MYT1L: variants seen among roughly 807,000 people sequenced by gnomAD.
MYT1L encodes myelin transcription factor 1-like protein.
Under a neutral mutation model 126.7 loss-of-function variants are expected in MYT1L, and 12 were observed. That is an observed-to-expected ratio of 0.09 (90% CI 0.06 to 0.15). The LOEUF (loss-of-function observed/expected upper bound fraction) is 0.15. Among genes scored for constraint, MYT1L ranks in the 10% least tolerant of loss-of-function variants. The probability of loss-of-function intolerance (pLI) is 1.00; values close to 1 mark genes in which losing one functional copy is unlikely to be tolerated. For synonymous variants in MYT1L, 541 were observed against 604.2 expected, an observed-to-expected ratio of 0.90 and a Z score of 1.53; for missense variants, 979 against 1,585.2, an observed-to-expected ratio of 0.62 and a Z score of 6.49.
At chr2:1,810,529 C>T (rs961531656) in intron 21 of MYT1L, among the ~76,000 whole-genome samples, 1 of 152,144 alleles carries the variant, frequency 6.6e-6, no homozygotes. Flanking sequence ...GTTAGATGGA[C>T]CGTGTCCGTA....
chr2:1,812,207 C>G (rs996836601), intron 21 of MYT1L, among the ~76,000 whole-genome samples: 2 of 152,148 alleles, frequency 1.3e-5, no homozygotes, highest in Non-Finnish European at 2.9e-5. Context: ...CACCGCACCC[C>G]CTGATGCTCT....
intron 18 of MYT1L, among the ~76,000 whole-genome samples, chr2:1,863,752 T>C (rs2045057893): frequency 7.1e-6 from 1 of 139,962 alleles, no homozygotes; most frequent in Non-Finnish European, 1.6e-5. Context: ...GGGGGGGGCA[T>C]TTGGGGATAT....
chr2:2,117,999 C>CAT (rs1005595567), intron 3 of MYT1L, among the ~76,000 whole-genome samples: 3 of 151,610 alleles, frequency 2.0e-5, no homozygotes, highest in African/African-American at 4.8e-5. Context: ...CAAAAACACA[C>CAT]ATATACTCAC....
chr2:2,083,044 C>G (rs1361571860), intron 3 of MYT1L, among the ~76,000 whole-genome samples: 1 of 152,142 alleles, frequency 6.6e-6, no homozygotes, highest in East Asian at 1.9e-4. Context: ...ACCATGAGAA[C>G]CCAGAGACCG....
intron 8 of MYT1L, among the ~76,000 whole-genome samples, chr2:1,953,976 C>G (rs1480640393): frequency 1.3e-5 from 2 of 152,144 alleles, no homozygotes; most frequent in African/African-American, 2.4e-5. Flanking sequence ...AGTGAAAAAC[C>G]TGAGAAGGTT....
intron 3 of MYT1L, among the ~76,000 whole-genome samples, chr2:2,168,237 G>A (rs1459094696): frequency 6.6e-6 from 1 of 152,160 alleles, no homozygotes; most frequent in Non-Finnish European, 1.5e-5. Flanking sequence ...AGAGGGATGT[G>A]CAGTAAAAAA....
rs746922049 is a variant in MYT1L, at chr2:1,922,443, C to T, written c.1326G>A (p.Thr442=). The part of the protein sequence containing the change: ...TLLEKAIALE[T]ERAKAMREKM... The stretch of plus-strand genomic sequence containing the variant: ...TCTCCCTCATGGCCTTTGCTCTTTC[C>T]GTTTCCAAAGCGATGGCTTTCTCCA... The change falls in exon 10 of 25, where the codon ACG becomes ACA. Residue 442 remains threonine (T), a synonymous_variant. Coordinates refer to ENST00000647738, the MANE Select transcript of MYT1L (RefSeq NM_001303052.2). The surrounding 1 kb of genome is among the most constrained non-coding windows in gnomAD (Gnocchi z 7.4). 24 of 1,613,836 alleles carry T rather than the reference C, an allele frequency of 1.5e-5. No homozygotes were observed. Among genetic ancestry groups the T allele is most frequent in the East Asian group, 4.5e-5 (2 of 44,882 alleles).
At chr2:2,277,774 C>A (rs982092578) in intron 2 of MYT1L, among the ~76,000 whole-genome samples, 3 of 152,082 alleles carry the variant, frequency 2.0e-5, no homozygotes, top group Non-Finnish European at 4.4e-5. Context: ...GGGTTGTATA[C>A]CCTTTGCAAC....
chr2:2,043,790 T>C (rs560535893), intron 4 of MYT1L, among the ~76,000 whole-genome samples: 3 of 152,342 alleles, frequency 2.0e-5, no homozygotes, highest in African/African-American at 2.4e-5. Context: ...AGTGAATGAA[T>C]GCATGAATAT....
intron 8 of MYT1L, among the ~76,000 whole-genome samples, chr2:1,974,071 T>C (rs1360533960): frequency 1.3e-5 from 2 of 152,222 alleles, no homozygotes; most frequent in Non-Finnish European, 2.9e-5. Flanking sequence ...CTGTCTTCCA[T>C]GTTTTAAATG....
At chr2:2,063,847 A>C (rs1428165160) in intron 3 of MYT1L, among the ~76,000 whole-genome samples, 1 of 151,586 alleles carries the variant, frequency 6.6e-6, no homozygotes, top group Non-Finnish European at 1.5e-5. Context: ...TCTGTCTCAA[A>C]AAAAACAAAA....
rs879278378 is a variant in MYT1L, at chr2:1,935,322, G to GA, written c.505+7659dup. Among the ~76,000 whole-genome samples the GA allele has an allele frequency of 2.0e-4, 30 of 151,892 alleles. 1 individual carries two copies. The highest frequency in any genetic ancestry group is 1.2e-4 in the African/African-American group (5 of 41,434). ...AACCCAGTGCCCTTCTGGGCACAGA[G>GA]AAAAAAAACACACCGTGTTTTGAAA... On this transcript the variant is annotated intron_variant, in intron 9 of 24. Transcript: ENST00000647738.
At chr2:2,050,015 C>T (rs748247795) in intron 4 of MYT1L, among the ~76,000 whole-genome samples, 1 of 151,770 alleles carries the variant, frequency 6.6e-6, no homozygotes, top group East Asian at 1.9e-4. Flanking sequence ...GGTTTTTTGA[C>T]GATGAAATGA....
intron 12 of MYT1L, among the ~76,000 whole-genome samples, 187 bp downstream of exon 12, chr2:1,911,833 C>T (rs2052033595): frequency 6.6e-6 from 1 of 152,192 alleles, no homozygotes; most frequent in African/African-American, 2.4e-5. Flanking sequence ...GGTGGGGCAA[C>T]TAAAACCATC....
At position 1,951,622 on chromosome 2, in the gene MYT1L, C is replaced by T. The variant is rs2057758193; in HGVS notation, c.153-8288G>A. Among the ~76,000 whole-genome samples, 3 of 152,220 alleles carry T rather than the reference C, an allele frequency of 2.0e-5. No homozygotes were observed. The South Asian group carries it at 6.2e-4, about 31-fold the overall frequency. On this transcript the variant is annotated intron_variant, in intron 8 of 24. Coordinates refer to ENST00000647738, the MANE Select transcript of MYT1L (RefSeq NM_001303052.2). ...GCACCTCACCAAGTCGCTCCAGGATCTGCCCCTGTTTAACCGCGGGAGATG... is the reference window on the plus strand; with the variant it reads ...GCACCTCACCAAGTCGCTCCAGGATTTGCCCCTGTTTAACCGCGGGAGATG...
At chr2:1,894,679 G>A (rs919277025) in intron 14 of MYT1L, among the ~76,000 whole-genome samples, 2 of 152,000 alleles carry the variant, frequency 1.3e-5, no homozygotes, top group African/African-American at 2.4e-5. Context: ...AAAATTAAAG[G>A]AATAACACAA....
chr2:2,052,369 T>G (rs1362331057), intron 4 of MYT1L, among the ~76,000 whole-genome samples: 1 of 152,192 alleles, frequency 6.6e-6, no homozygotes, highest in African/African-American at 2.4e-5. Flanking sequence ...TTCCTGACAT[T>G]GGATTTGGCA....
intron 14 of MYT1L, among the ~76,000 whole-genome samples, chr2:1,900,262 C>T (rs1363539920): frequency 6.6e-6 from 1 of 152,040 alleles, no homozygotes; most frequent in African/African-American, 2.4e-5. Flanking sequence ...CATCAACAAC[C>T]TACCAGCCAG....
rs2054635692 is a variant in MYT1L at position 1,929,286 on chromosome 2, TA to T, written c.506-6024del. On this transcript the variant is annotated intron_variant, in intron 9 of 24. Coordinates refer to ENST00000647738, the MANE Select transcript of MYT1L (RefSeq NM_001303052.2). This position sits in a 1 kb window ranked among gnomAD's most constrained non-coding sequence, Gnocchi z 4.7. ...GACATGGCCTGGCTCCGGGATCAGC[TA>T]TTCTCACTTCCAGCACGAGATCCCC... 6.6e-6 allele frequency among the ~76,000 whole-genome samples: 1 copy of T among 152,024 alleles called. No individual in the cohort carries two copies. The highest frequency in any genetic ancestry group is 2.4e-5 in the African/African-American group (1 of 41,410).
Sources: allele counts gnomAD v4.1 joint callset (sites outside exome capture counted in the v4.1 genomes callset), GRCh38; gene constraint gnomAD v4.1.1; non-coding constraint Gnocchi (gnomAD v3.1); transcripts MANE v1.5; gene names NCBI Gene and HGNC (gene_info 2026-07-23, HGNC 2026-07-21).